RAVER1: variants seen among roughly 807,000 people sequenced by gnomAD.
RAVER1 encodes the protein ribonucleoprotein, PTB binding 1.
RAVER1 carries 36 observed loss-of-function variants against 68.4 expected under a neutral mutation model. The observed-to-expected ratio is 0.53, with a 90% confidence interval of 0.40 to 0.70. The LOEUF (loss-of-function observed/expected upper bound fraction) is 0.70. Among genes scored for constraint, RAVER1 ranks in the 30% least tolerant of loss-of-function variants. RAVER1 has a pLI of 0.00. For synonymous variants in RAVER1, 469 were observed against 472.7 expected, an observed-to-expected ratio of 0.99 and a Z score of 0.10; for missense variants, 933 against 1,019.8, an observed-to-expected ratio of 0.91 and a Z score of 1.16.
chr19:10,320,757 G>T lies in RAVER1; in HGVS notation c.1668C>A (p.Ser556Arg). 6.7e-7 allele frequency: 1 copy of T among 1,481,964 alleles called. No individual in the cohort carries two copies. Among genetic ancestry groups the T allele is most frequent in the Non-Finnish European group, 8.9e-7 (1 of 1,121,314 alleles). The allele number at this position is 1,481,964 out of a possible 1,614,324, so 91.8% of individuals were successfully genotyped here. Residue 556 changes from serine to arginine, a missense_variant, in exon 9 of 13, where the codon AGC (serine) becomes AGA (arginine). Transcript: ENST00000617231. ...GGCGGGACTTGAGCTGGAAGGCTTTGCTGCTGCTGCTGCCACCTCCAGGGG... is the reference window on the plus strand; with the variant it reads ...GGCGGGACTTGAGCTGGAAGGCTTTTCTGCTGCTGCTGCCACCTCCAGGGG... Reference protein sequence around the residue: ...PPAPGGGSSSSKAFQLKSRLL... With the variant: ...PPAPGGGSSSRKAFQLKSRLL...
chr19:10,322,720 TGG>T lies in RAVER1; in HGVS notation c.1096_1097del (p.Pro366SerfsTer83). The T allele has an allele frequency of 6.6e-7, 1 of 1,514,342 alleles. No homozygotes were observed. The highest frequency in any genetic ancestry group is 8.8e-7 in the Non-Finnish European group (1 of 1,141,370). The allele number at this position is 1,514,342 out of a possible 1,614,324, so 93.8% of individuals were successfully genotyped here. Reference protein sequence around the residue: ...GGKQGLLGAPPAMPLLNGPAL... With the variant: ...GGKQGLLGAPXAMPLLNGPAL... The stretch of plus-strand genomic sequence containing the variant: ...CTGGCCCATTGAGCAGCGGCATGGC[TGG>T]GGGGGCACCCAGGAGGCCTGGAGGG... On this transcript the variant is annotated frameshift_variant, in exon 6 of 13. Transcript: ENST00000617231. LOFTEE classifies it high-confidence loss of function. The surrounding 1 kb of genome is among the most constrained non-coding windows in gnomAD (Gnocchi z 4.3).
intron 1 of RAVER1, among the ~76,000 whole-genome samples, chr19:10,332,023 C>T (rs1427811381): frequency 6.6e-6 from 1 of 152,046 alleles, no homozygotes; most frequent in Non-Finnish European, 1.5e-5. Context: ...GAGATAGTGT[C>T]TTGTTCTGTC....
Position 10,317,813 on chromosome 19 carries a change from G to A in RAVER1, c.1990-40C>T. 2.4e-6 allele frequency: 3 copies of A among 1,257,464 alleles called. No individual in the cohort carries two copies. Among genetic ancestry groups the A allele is most frequent in the Non-Finnish European group, 2.3e-6 (2 of 879,086 alleles). The allele number at this position is 1,257,464 out of a possible 1,614,324, so 77.9% of individuals were successfully genotyped here. A position where few individuals can be genotyped will look rare whatever the true frequency, so the allele number is the denominator to read the frequency against. ...GAGGTGGAACAGGTCACTCCCTGGG[G>A]GCCAGAGGAAGCACCCACCCCGCCC... is the stretch of plus-strand genomic sequence containing the variant. On this transcript the variant is annotated intron_variant, in intron 11 of 12. Transcript: ENST00000617231. The surrounding 1 kb of genome is among the most constrained non-coding windows in gnomAD (Gnocchi z 4.3).
rs2040438804 is a variant in RAVER1 at position 10,321,624 on chromosome 19, G to A, written c.1174-6C>T. 1 of 1,415,650 alleles carries A rather than the reference G, an allele frequency of 7.1e-7. No individual in the cohort carries two copies. Among genetic ancestry groups the A allele is most frequent in the East Asian group, 2.8e-5 (1 of 36,304 alleles). The allele number at this position is 1,415,650 out of a possible 1,614,324, so 87.7% of individuals were successfully genotyped here. On this transcript the variant is annotated splice_region_variant and splice_polypyrimidine_tract_variant and intron_variant, in intron 6 of 12. Coordinates refer to ENST00000617231, the MANE Select transcript of RAVER1 (RefSeq NM_133452.3). ...TCTCCCAGGATGCCGGGCTTCTAGG[G>A]ACAGAGCACAGACAGTTGCAGATGG...
Position 10,317,313 on chromosome 19 carries a change from G to A in RAVER1, c.*141C>T, listed in dbSNP as rs2040397022. The A allele has an allele frequency of 3.2e-6, 3 of 924,918 alleles. No individual in the cohort carries two copies. The highest frequency in any genetic ancestry group is 4.9e-4 in the Middle Eastern group (2 of 4,090). 57.3% of individuals were successfully genotyped at this position (924,918 alleles called of 1,614,324 possible). A position where few individuals can be genotyped will look rare whatever the true frequency, so the allele number is the denominator to read the frequency against. On this transcript the variant is annotated 3_prime_UTR_variant, in exon 13 of 13. Transcript: ENST00000617231. The surrounding 1 kb of genome is among the most constrained non-coding windows in gnomAD (Gnocchi z 4.3). ...CACCCCTTGGGCTCCTGGGGCTCCGGCTGATTGGTCAGTAAAGTCTTTCAG... is the reference window on the plus strand; with the variant it reads ...CACCCCTTGGGCTCCTGGGGCTCCGACTGATTGGTCAGTAAAGTCTTTCAG...
At chr19:10,326,933 A>AT (rs961659388) in intron 3 of RAVER1, among the ~76,000 whole-genome samples, 6 of 147,272 alleles carry the variant, frequency 4.1e-5, no homozygotes, top group East Asian at 2.0e-4. Flanking sequence ...CACCTGGCTA[A>AT]TTTTTTTTGT....
In RAVER1 at chr19:10,316,412, G is replaced by A. The variant is rs1037444492; in HGVS notation, c.*1042C>T. On this transcript the variant is annotated 3_prime_UTR_variant, in exon 13 of 13. Transcript: ENST00000617231. ...GGTCCTGCTGGTGGGCGGGCCCAGA[G>A]TTTATCTTCATGGAGTGCTGGTTTC... 19 of 1,028,954 alleles carry A rather than the reference G, an allele frequency of 1.8e-5. No homozygotes were observed. The highest frequency in any genetic ancestry group is 1.9e-5 in the Non-Finnish European group (16 of 857,962). The allele number at this position is 1,028,954 out of a possible 1,614,324, so 63.7% of individuals were successfully genotyped here. A position where few individuals can be genotyped will look rare whatever the true frequency, so the allele number is the denominator to read the frequency against.
At chr19:10,318,501 G>A in intron 10 of RAVER1, 129 bp from the exon 11 acceptor site, 1 of 671,920 alleles carries the variant, frequency 1.5e-6, no homozygotes, top group Non-Finnish European at 2.5e-6. Context: ...TGGGATTACA[G>A]GCATGCGCCA....
At chr19:10,332,059 A>G (rs576156461) in intron 1 of RAVER1, among the ~76,000 whole-genome samples, 305 of 152,200 alleles carry the variant, frequency 2.0e-3, no homozygotes, top group Admixed American at 3.5e-3. Flanking sequence ...TAGTAGCACA[A>G]TCATAGCTCA....
At chr19:10,321,309 C>T (rs2040436237) in intron 7 of RAVER1, 50 bp from the exon 8 acceptor site, 2 of 985,496 alleles carry the variant, frequency 2.0e-6, no homozygotes, top group Non-Finnish European at 2.7e-6. Flanking sequence ...GGACCCCTCT[C>T]CCCAGGGCCC....
intron 1 of RAVER1, among the ~76,000 whole-genome samples, 165 bp from the exon 2 acceptor site, chr19:10,330,691 T>C (rs555025931): frequency 6.6e-6 from 1 of 152,342 alleles, no homozygotes; most frequent in South Asian, 2.1e-4. Flanking sequence ...AAGGTCATTC[T>C]GCTCATACCT....
At chr19:10,325,486 C>T (rs1599302677) in intron 3 of RAVER1, among the ~76,000 whole-genome samples, 1 of 152,106 alleles carries the variant, frequency 6.6e-6, no homozygotes, top group African/African-American at 2.4e-5. Flanking sequence ...ACCTCGGCCT[C>T]CCAAAGTGCT....
In RAVER1 at chr19:10,333,229, C is replaced by A. The variant is rs2040536864; in HGVS notation, c.219+60G>T. 6.6e-7 allele frequency: 1 copy of A among 1,509,368 alleles called. No individual in the cohort carries two copies. Among genetic ancestry groups the A allele is most frequent in the African/African-American group, 1.4e-5 (1 of 72,244 alleles). 93.5% of individuals were successfully genotyped at this position (1,509,368 alleles called of 1,614,324 possible). On this transcript the variant is annotated intron_variant, in intron 1 of 12. Transcript: ENST00000617231. This position sits in a 1 kb window ranked among gnomAD's most constrained non-coding sequence, Gnocchi z 4.2. ...CCTCAGCGTTGGTGTCGCCCGGTTC[C>A]CCCCGCGCACGCGCACCGTGGTATT...
intron 10 of RAVER1, among the ~76,000 whole-genome samples, chr19:10,318,723 C>T (rs2040413245): frequency 6.6e-6 from 1 of 152,142 alleles, no homozygotes; most frequent in African/African-American, 2.4e-5. Flanking sequence ...ACGTGGGTAC[C>T]CGCCTCCTCT....
intron 3 of RAVER1, among the ~76,000 whole-genome samples, chr19:10,326,209 C>T (rs1362092515): frequency 2.0e-5 from 3 of 152,126 alleles, no homozygotes; most frequent in African/African-American, 7.2e-5. Flanking sequence ...GAGCCAAGAT[C>T]GCGCCCCTGC....
chr19:10,326,191 G>A (rs1250355078), intron 3 of RAVER1, among the ~76,000 whole-genome samples: 2 of 152,178 alleles, frequency 1.3e-5, no homozygotes, highest in East Asian at 1.9e-4. Context: ...GGAGGCGGAG[G>A]ATGCAGTGAG....
chr19:10,320,645 A>C lies in RAVER1; in HGVS notation c.1770+10T>G, dbSNP rs779821091. On this transcript the variant is annotated intron_variant, in intron 9 of 12. Transcript: ENST00000617231. ...CCTTAGGGGACAGAGAGCTGCAGCC[A>C]GGCACTCACCGAGGGGTAGTCGAAG... 4.9e-5 allele frequency: 76 copies of C among 1,547,152 alleles called. No homozygotes were observed. The highest frequency in any genetic ancestry group is 6.5e-5 in the Non-Finnish European group (75 of 1,148,936).
chr19:10,318,323 C>A lies in RAVER1; in HGVS notation c.1895G>T (p.Gly632Val). 1.9e-6 allele frequency: 3 copies of A among 1,602,630 alleles called. No individual in the cohort carries two copies. Among genetic ancestry groups the A allele is most frequent in the Non-Finnish European group, 1.7e-6 (2 of 1,175,976 alleles). The change falls in exon 11 of 13, where the codon GGC becomes GTC. Residue 632 changes from glycine (G) to valine (V), a missense_variant. Physicochemically the swap from Gly to Val is moderately radical, Grantham distance 109. Coordinates refer to ENST00000617231, the MANE Select transcript of RAVER1 (RefSeq NM_133452.3). ...GFGERSSGGS[G>V]GGPLSHFYSG... is the part of the protein sequence containing the mutation. ...ATAGAAGTGAGACAGGGGGCCCCCGCCACTCCCACCGCTGCTCCGTTCGCC... is the reference window on the plus strand; with the variant it reads ...ATAGAAGTGAGACAGGGGGCCCCCGACACTCCCACCGCTGCTCCGTTCGCC...
At position 10,325,858 on chromosome 19, in the gene RAVER1, C is replaced by T. The variant is rs184344709; in HGVS notation, c.757-2292G>A. ...GGAATGAATGGGCAGCTGTTCACAA[C>T]AACCTGATCATGAAGCACTGCCAGC... On this transcript the variant is annotated intron_variant, in intron 3 of 12. Transcript: ENST00000617231. Among the ~76,000 whole-genome samples the T allele has an allele frequency of 4.8e-3, 729 of 152,014 alleles. 6 individuals carry two copies. The highest frequency in any genetic ancestry group is 0.017 in the African/African-American group (701 of 41,450).
Sources: allele counts gnomAD v4.1 joint callset (sites outside exome capture counted in the v4.1 genomes callset), GRCh38; gene constraint gnomAD v4.1.1; non-coding constraint Gnocchi (gnomAD v3.1); transcripts MANE v1.5; gene names NCBI Gene and HGNC (gene_info 2026-07-23, HGNC 2026-07-21).